The following CALN1 variants were observed in gnomAD, a reference collection of about 807,000 sequenced individuals.
The protein encoded by CALN1 is calneuron 1.
In CALN1, 17 loss-of-function variants were observed where a neutral mutation model predicts 30.6. The ratio of observed to expected loss-of-function variants is 0.56; its 90% CI spans 0.38 to 0.83. The LOEUF (loss-of-function observed/expected upper bound fraction) is 0.83. Ranked by LOEUF, CALN1 falls within the 40% of genes least tolerant of loss-of-function variation. The pLI is 0.00. For synonymous variants in CALN1, 156 were observed against 131.4 expected (o/e 1.19, Z -1.28); for missense variants, 291 against 354.9 (o/e 0.82, Z 1.45).
At chr7:72,205,551 A>AATATATATATATATATATATAT (rs1554319583) in intron 3 of CALN1, among the ~76,000 whole-genome samples, 24 of 82,896 alleles carry the variant, frequency 2.9e-4, no homozygotes, top group East Asian at 8.7e-4. Context: ...GCAAAAAAAA[A>AATATATATATATATATATATAT]ATATATATAT....
chr7:72,090,851 T>C (rs1427394884), intron 4 of CALN1, among the ~76,000 whole-genome samples: 1 of 152,156 alleles, frequency 6.6e-6, no homozygotes, highest in East Asian at 1.9e-4. Flanking sequence ...ATGTTCTCAC[T>C]GATCTATGGT....
intron 3 of CALN1, among the ~76,000 whole-genome samples, chr7:72,129,114 A>C (rs1406685685): frequency 6.6e-6 from 1 of 152,182 alleles, no homozygotes; most frequent in African/African-American, 2.4e-5. Context: ...TTTTAAACAT[A>C]TAACACCAAG....
At chr7:72,408,674 C>CTTT (rs1562955748) in intron 1 of CALN1, among the ~76,000 whole-genome samples, 1 of 15,960 alleles carries the variant, frequency 6.3e-5, no homozygotes, top group Non-Finnish European at 1.2e-4. Flanking sequence ...ATTATCTTTT[C>CTTT]CTTTTTTTTT....
At chr7:72,088,040 C>T (rs1046602306) in intron 4 of CALN1, among the ~76,000 whole-genome samples, 3 of 152,074 alleles carry the variant, frequency 2.0e-5, no homozygotes, top group Non-Finnish European at 4.4e-5. Context: ...TGGTTGCACG[C>T]GTCTGTAGTC....
At chr7:72,312,320 C>T (rs2129556484) in intron 2 of CALN1, among the ~76,000 whole-genome samples, 1 of 148,136 alleles carries the variant, frequency 6.8e-6, no homozygotes, top group South Asian at 2.2e-4. Context: ...AGGAGAATCA[C>T]TTGAACCCAG....
At chr7:72,147,351 G>C (rs1378912034) in intron 3 of CALN1, among the ~76,000 whole-genome samples, 1 of 151,906 alleles carries the variant, frequency 6.6e-6, no homozygotes, top group Non-Finnish European at 1.5e-5. Flanking sequence ...GCAGCCAACA[G>C]ACACATGAAA....
the CALN1 span, among the ~76,000 whole-genome samples, chr7:72,482,553 A>T: frequency 6.6e-6 from 1 of 151,930 alleles, no homozygotes; most frequent in Non-Finnish European, 1.5e-5. Flanking sequence ...GTTATAGAAT[A>T]TTTCTTTATG....
At chr7:72,168,616 AAAAAAG>A (rs1236281182) in intron 3 of CALN1, among the ~76,000 whole-genome samples, 2 of 152,110 alleles carry the variant, frequency 1.3e-5, no homozygotes, top group African/African-American at 4.8e-5. Flanking sequence ...GACTGTAACT[AAAAAAG>A]TAAAAGAGAC....
the CALN1 span, among the ~76,000 whole-genome samples, chr7:72,487,734 A>AAAGAAAGAAAGGAAGGAAGGAAGG: frequency 1.4e-3 from 82 of 56,598 alleles, 1 homozygote; most frequent in Non-Finnish European, 2.4e-3. Context: ...AGAAAGAAAG[A>AAAGAAAGAAAGGAAGGAAGGAAGG]AAGGAAGGAA....
At chr7:71,873,001 A>ATTTTTTTTTTTT (rs371153112) in intron 5 of CALN1, among the ~76,000 whole-genome samples, 4 of 115,620 alleles carry the variant, frequency 3.5e-5, no homozygotes, top group African/African-American at 1.1e-4. Flanking sequence ...GTTTGTGACA[A>ATTTTTTTTTTTT]TTTTTTTTTT....
chr7:71,873,751 C>T (rs948239576), intron 5 of CALN1, among the ~76,000 whole-genome samples: 7 of 152,238 alleles, frequency 4.6e-5, no homozygotes, highest in African/African-American at 1.7e-4. Context: ...TTGAGACCCA[C>T]TGTGCTAAGT....
chr7:72,413,420 A>C (rs1807305351), upstream of CALN1, among the ~76,000 whole-genome samples: 1 of 151,892 alleles, frequency 6.6e-6, no homozygotes, highest in South Asian at 2.1e-4. Context: ...ATTCTTACAC[A>C]CACGTACACT....
At position 72,400,090 on chromosome 7, in the gene CALN1, T is replaced by C. The variant is rs1306973848; in HGVS notation, c.119+3161A>G. Reference sequence around the variant, plus strand: ...ACCATGAGCCAAATAAACCTTTTTTTTAATCAATTACCCAATCTCAGGTAT... The same window carrying C: ...ACCATGAGCCAAATAAACCTTTTTTCTAATCAATTACCCAATCTCAGGTAT... On this transcript the variant is annotated intron_variant, in intron 2 of 6. Transcript: ENST00000395275. 1.3e-5 allele frequency among the ~76,000 whole-genome samples: 2 copies of C among 152,166 alleles called. 1 individual carries two copies. The highest frequency in any genetic ancestry group is 1.3e-4 in the Admixed American group (2 of 15,286).
At chr7:72,262,271 T>C (rs1382475653) in intron 3 of CALN1, among the ~76,000 whole-genome samples, 1 of 152,198 alleles carries the variant, frequency 6.6e-6, no homozygotes, top group Non-Finnish European at 1.5e-5. Flanking sequence ...CACGGAGGAC[T>C]TGGAAGGCCT....
chr7:72,291,248 A>G (rs994128552), intron 2 of CALN1, among the ~76,000 whole-genome samples: 1 of 152,116 alleles, frequency 6.6e-6, no homozygotes, highest in African/African-American at 2.4e-5. Flanking sequence ...GACTTATTTC[A>G]TATTTTTCTT....
At chr7:72,317,004 G>A (rs1800506145) in intron 2 of CALN1, among the ~76,000 whole-genome samples, 1 of 145,774 alleles carries the variant, frequency 6.9e-6, no homozygotes, top group Non-Finnish European at 1.5e-5. Flanking sequence ...GAAAGGAAAG[G>A]AAAGGAAGAA....
At chr7:72,298,608 C>T (rs566693734) in intron 2 of CALN1, among the ~76,000 whole-genome samples, 2 of 152,120 alleles carry the variant, frequency 1.3e-5, no homozygotes, top group Non-Finnish European at 2.9e-5. Context: ...TGCCCATTAT[C>T]TATTAGTCTA....
Position 72,296,140 on chromosome 7 carries a change from G to C in CALN1, c.120-17330C>G, listed in dbSNP as rs566691585. ...GATAATCATGTGGTTTTTGTCTTTG[G>C]CTCTGTTTATATGCTGGATTACATT... On this transcript the variant is annotated intron_variant, in intron 2 of 6. Coordinates refer to ENST00000395275, the MANE Select transcript of CALN1 (RefSeq NM_031468.4). 7.2e-3 allele frequency among the ~76,000 whole-genome samples: 1,096 copies of C among 151,574 alleles called. 17 individuals are homozygous for C. Among genetic ancestry groups the C allele is most frequent in the African/African-American group, 0.025 (1,043 of 41,292 alleles).
intron 2 of CALN1, among the ~76,000 whole-genome samples, chr7:72,355,552 AAAC>A (rs1272252296): frequency 1.3e-5 from 2 of 152,118 alleles, no homozygotes; most frequent in East Asian, 1.9e-4. Flanking sequence ...AAACAAAACA[AAAC>A]AACAGAAAGC....
Sources: gnomAD v4.1 joint callset for allele counts (sites outside exome capture counted in the v4.1 genomes callset) on GRCh38, gnomAD v4.1.1 for gene constraint, MANE v1.5 for transcripts, NCBI Gene and HGNC (gene_info 2026-07-23, HGNC 2026-07-21) for gene names.